FBLN7: variants seen among roughly 807,000 people sequenced by gnomAD.
FBLN7 encodes the protein fibulin 7.
Under a neutral mutation model 44.0 loss-of-function variants are expected in FBLN7, and 31 were observed. That is an observed-to-expected ratio of 0.70 (90% CI 0.53 to 0.95). The LOEUF is 0.95. FBLN7 is among the 40% of genes least tolerant of loss of function. The pLI is 0.00. For synonymous variants in FBLN7, 262 were observed against 253.4 expected (o/e 1.03, Z -0.32); for missense variants, 573 against 618.5 (o/e 0.93, Z 0.78).
chr2:112,230,483 C>T, the FBLN7 span, among the ~76,000 whole-genome samples: 1 of 151,994 alleles, frequency 6.6e-6, no homozygotes, highest in African/African-American at 2.4e-5. Flanking sequence ...CTAATATAAA[C>T]ATAAAGTGAA....
chr2:112,159,827 C>G lies in FBLN7; in HGVS notation c.227C>G (p.Ala76Gly), dbSNP rs1400507549. Residue 76 changes from alanine (A) to glycine (G), a missense_variant, in exon 2 of 8, where the codon GCC (alanine) becomes GGC (glycine). Coordinates refer to ENST00000331203, the MANE Select transcript of FBLN7 (RefSeq NM_153214.3). ...QNSVGRVGPD[A>G]LPVSCPALNT... Reference sequence around the variant, plus strand: ...TCTGTGGGCAGGGTGGGCCCAGATGCCCTTCCAGGTGGGTCCCCACGTCGG... The same window carrying G: ...TCTGTGGGCAGGGTGGGCCCAGATGGCCTTCCAGGTGGGTCCCCACGTCGG... 1 of 1,548,976 alleles carries G rather than the reference C, an allele frequency of 6.5e-7. No homozygotes were observed. The highest frequency in any genetic ancestry group is 1.4e-5 in the African/African-American group (1 of 72,720).
chr2:112,181,684 CG>C, intron 4 of FBLN7, 54 bp from the exon 5 acceptor site: 1 of 1,347,938 alleles, frequency 7.4e-7, no homozygotes, highest in South Asian at 1.8e-5. Context: ...TACCCAAGGT[CG>C]GGCCCACGGC....
rs1680470807 is a variant in FBLN7, at chr2:112,138,709, C to T, written c.54C>T (p.Cys18=). ...TCCTTCTGCTCCTGATCCTCGCCTG[C>T]CCCGAGCCGCGGGCTTCCCAGGTCA... The part of the protein sequence containing the change: ...ALFLLLLILA[C]PEPRASQNCL... The change falls in exon 1 of 8, where the codon TGC becomes TGT. Residue 18 remains cysteine (C), a synonymous_variant. Transcript: ENST00000331203. The T allele has an allele frequency of 6.2e-7, 1 of 1,613,172 alleles. No homozygotes were observed. Among genetic ancestry groups the T allele is most frequent in the African/African-American group, 1.3e-5 (1 of 74,892 alleles).
chr2:112,195,170 C>T, the FBLN7 span, among the ~76,000 whole-genome samples: 1 of 152,166 alleles, frequency 6.6e-6, no homozygotes. Context: ...AAACAAGAGA[C>T]TATGATGATG....
At chr2:112,205,339 A>C in the FBLN7 span, among the ~76,000 whole-genome samples, 8 of 152,132 alleles carry the variant, frequency 5.3e-5, no homozygotes, top group Admixed American at 1.3e-4. Flanking sequence ...ATTCTAGCTT[A>C]CCAGCAATTA....
At chr2:112,206,135 T>A in the FBLN7 span, among the ~76,000 whole-genome samples, 1 of 152,206 alleles carries the variant, frequency 6.6e-6, no homozygotes, top group Non-Finnish European at 1.5e-5. Context: ...GTGTATTTCA[T>A]CTATAATCTC....
Position 112,165,061 on chromosome 2 carries a change from T to C in FBLN7, c.296T>C (p.Val99Ala). The C allele has an allele frequency of 6.2e-7, 1 of 1,614,140 alleles. No homozygotes were observed. Among genetic ancestry groups the C allele is most frequent in the South Asian group, 1.1e-5 (1 of 91,076 alleles). The change falls in exon 3 of 8, where the codon GTG becomes GCG. Residue 99 changes from valine to alanine, a missense_variant. Physicochemically the swap from Val to Ala is moderately conservative, Grantham distance 64. Coordinates refer to ENST00000331203, the MANE Select transcript of FBLN7 (RefSeq NM_153214.3). ...DGRKFGSKYL[V>A]DHEVHFTCNP... ...AGAAAGTTTGGAAGCAAGTACTTAG[T>C]GGATCACGAAGTCCATTTTACCTGC... is the stretch of plus-strand genomic sequence containing the variant.
intron 1 of FBLN7, among the ~76,000 whole-genome samples, chr2:112,142,201 A>T (rs139032904): frequency 6.6e-6 from 1 of 152,150 alleles, no homozygotes; most frequent in Admixed American, 6.5e-5. Flanking sequence ...AACAAGCATT[A>T]CCTGACTCCT....
At chr2:112,229,313 T>G in the FBLN7 span, among the ~76,000 whole-genome samples, 12 of 152,252 alleles carry the variant, frequency 7.9e-5, 1 homozygote, top group South Asian at 2.5e-3. Flanking sequence ...TTTAAAAAAG[T>G]CTATTAGTAT....
Position 112,187,246 on chromosome 2 carries a change from C to T in FBLN7, c.1060C>T (p.Leu354Phe). 1 of 1,614,234 alleles carries T rather than the reference C, an allele frequency of 6.2e-7. No individual in the cohort carries two copies. The highest frequency in any genetic ancestry group is 8.5e-7 in the Non-Finnish European group (1 of 1,180,040). Residue 354 changes from leucine (L) to phenylalanine (F), a missense_variant, in exon 8 of 8, where the codon CTC (leucine) becomes TTC (phenylalanine). Coordinates refer to ENST00000331203, the MANE Select transcript of FBLN7 (RefSeq NM_153214.3). This position sits in a 1 kb window ranked among gnomAD's most constrained non-coding sequence, Gnocchi z 5.1. ...TTCCAACCTGAAGACGCCCATCACGCTCTTCCGCATGGCCACAGCCTCTGC... is the reference window on the plus strand; with the variant it reads ...TTCCAACCTGAAGACGCCCATCACGTTCTTCCGCATGGCCACAGCCTCTGC... ...LPSNLKTPIT[L>F]FRMATASAPG...
intron 4 of FBLN7, chr2:112,176,814 C>T (rs1406041227): frequency 1.3e-5 from 2 of 152,210 alleles, no homozygotes; most frequent in African/African-American, 4.8e-5. Context: ...ACCTCACTGC[C>T]TCTCCCCTTG....
At chr2:112,233,607 G>A in the FBLN7 span, among the ~76,000 whole-genome samples, 3 of 152,122 alleles carry the variant, frequency 2.0e-5, no homozygotes, top group Non-Finnish European at 4.4e-5. Flanking sequence ...AGTCGCTCAC[G>A]CCTGTAATCC....
At chr2:112,225,557 C>A in the FBLN7 span, among the ~76,000 whole-genome samples, 2 of 152,256 alleles carry the variant, frequency 1.3e-5, no homozygotes, top group Admixed American at 6.5e-5. Context: ...TGGCTCATGC[C>A]TGTAATCCCA....
At chr2:112,184,838 C>T (rs1174896841) in intron 6 of FBLN7, among the ~76,000 whole-genome samples, 1 of 144,138 alleles carries the variant, frequency 6.9e-6, no homozygotes, top group Non-Finnish European at 1.5e-5. Context: ...CATATATATA[C>T]ACACACACAT....
chr2:112,183,967 G>A (rs774926783), intron 6 of FBLN7, among the ~76,000 whole-genome samples: 1 of 152,138 alleles, frequency 6.6e-6, no homozygotes, highest in Admixed American at 6.5e-5. Context: ...AGCCTCCTGT[G>A]TTTCCCCACC....
At chr2:112,190,053 G>A (rs1346553175), downstream of FBLN7, 1 of 152,110 alleles carries the variant, frequency 6.6e-6, no homozygotes, top group Non-Finnish European at 1.5e-5. Context: ...GGAATAATCT[G>A]AAGGTTTGTT....
the FBLN7 span, among the ~76,000 whole-genome samples, chr2:112,210,633 G>A: frequency 1.3e-3 from 176 of 138,218 alleles, no homozygotes; most frequent in African/African-American, 4.4e-3. Flanking sequence ...TCCAGCCTGC[G>A]TGACAGAGTG....
chr2:112,174,098 ATTT>A (rs902887754), intron 3 of FBLN7, among the ~76,000 whole-genome samples: 54 of 152,194 alleles, frequency 3.5e-4, no homozygotes, highest in African/African-American at 1.2e-3. Flanking sequence ...TGGTGTTCAC[ATTT>A]TCTGGCTCTC....
intron 2 of FBLN7, among the ~76,000 whole-genome samples, chr2:112,161,633 C>T (rs1681873923): frequency 6.6e-6 from 1 of 152,230 alleles, no homozygotes; most frequent in African/African-American, 2.4e-5. Flanking sequence ...GTGGAGCCCA[C>T]AGGGAATGTT....
Sources: allele counts gnomAD v4.1 joint callset (sites outside exome capture counted in the v4.1 genomes callset), GRCh38; gene constraint gnomAD v4.1.1; non-coding constraint Gnocchi (gnomAD v3.1); transcripts MANE v1.5; gene names NCBI Gene and HGNC (gene_info 2026-07-23, HGNC 2026-07-21).